CDC42EP3: variants seen among roughly 807,000 people sequenced by gnomAD.
CDC42EP3 encodes the protein CDC42 effector protein 3.
CDC42EP3 carries 4 observed loss-of-function variants against 15.5 expected under a neutral mutation model. That is an observed-to-expected ratio of 0.26 (90% CI 0.13 to 0.59). CDC42EP3 has a LOEUF of 0.59. CDC42EP3 is among the 20% of genes least tolerant of loss of function. The pLI is 0.89. For missense variants in CDC42EP3, 309 were observed against 311.2 expected (o/e 0.99, Z 0.05); for synonymous variants, 145 against 130.3 (o/e 1.11, Z -0.77).
At chr2:37,657,443 A>G (rs1397345556) in intron 1 of CDC42EP3, among the ~76,000 whole-genome samples, 1 of 152,206 alleles carries the variant, frequency 6.6e-6, no homozygotes, top group Admixed American at 6.5e-5. Flanking sequence ...GAGCTCAAAA[A>G]GAATAAAGTA....
intron 1 of CDC42EP3, among the ~76,000 whole-genome samples, chr2:37,653,856 C>T (rs1336142456): frequency 6.6e-6 from 1 of 152,186 alleles, no homozygotes; most frequent in Non-Finnish European, 1.5e-5. Context: ...AGGGGTGCTA[C>T]TGCCCCCAGG....
chr2:37,651,653 A>G (rs1363317078), intron 1 of CDC42EP3, among the ~76,000 whole-genome samples: 1 of 152,222 alleles, frequency 6.6e-6, no homozygotes, highest in African/African-American at 2.4e-5. Flanking sequence ...GAAGAGAAAC[A>G]TTTGTAGTCG....
At chr2:37,649,782 T>C (rs546430967) in intron 1 of CDC42EP3, among the ~76,000 whole-genome samples, 24 of 152,104 alleles carry the variant, frequency 1.6e-4, no homozygotes, top group African/African-American at 5.8e-4. Flanking sequence ...AAGTGGGGCT[T>C]CATGTCGGTG....
At chr2:37,652,383 G>A (rs1665717709) in intron 1 of CDC42EP3, among the ~76,000 whole-genome samples, 1 of 151,952 alleles carries the variant, frequency 6.6e-6, no homozygotes, top group Non-Finnish European at 1.5e-5. Flanking sequence ...AGGCTTACAG[G>A]CCGGAAGCGA....
Position 37,646,099 on chromosome 2 carries a change from C to A in CDC42EP3, c.489G>T (p.Gly163=). ...AQEKSSLLEN[G]TVHQGDTSWG... ...ACGAGGTGTCTCCCTGGTGGACTGT[C>A]CCATTCTCCAACAGACTGCTTTTCT... The change falls in exon 2 of 2, where the codon GGG becomes GGT. Residue 163 remains glycine, a synonymous_variant. Coordinates refer to ENST00000295324, the MANE Select transcript of CDC42EP3 (RefSeq NM_006449.5). 1 of 1,614,220 alleles carries A rather than the reference C, an allele frequency of 6.2e-7. No homozygotes were observed. Among genetic ancestry groups the A allele is most frequent in the Non-Finnish European group, 8.5e-7 (1 of 1,180,046 alleles).
chr2:37,667,167 G>C (rs1044689717), intron 1 of CDC42EP3, among the ~76,000 whole-genome samples: 10 of 152,176 alleles, frequency 6.6e-5, no homozygotes, highest in Non-Finnish European at 1.3e-4. Flanking sequence ...CTTGTTGTGT[G>C]TTTCTTATCT....
At chr2:37,669,696 C>T (rs1666346805) in intron 1 of CDC42EP3, among the ~76,000 whole-genome samples, 1 of 152,172 alleles carries the variant, frequency 6.6e-6, no homozygotes, top group Non-Finnish European at 1.5e-5. Flanking sequence ...ACAGAAACTG[C>T]CATGGATCCA....
chr2:37,668,198 CT>C (rs1666303035), intron 1 of CDC42EP3, among the ~76,000 whole-genome samples: 1 of 152,144 alleles, frequency 6.6e-6, no homozygotes, highest in South Asian at 2.1e-4. Flanking sequence ...CCATGGTTGA[CT>C]ATGGGTAACT....
chr2:37,665,106 C>G (rs373148417), intron 1 of CDC42EP3, among the ~76,000 whole-genome samples: 1 of 140,186 alleles, frequency 7.1e-6, no homozygotes, highest in Non-Finnish European at 1.5e-5. Flanking sequence ...TGTGAGTCAA[C>G]ATTCCTTAAT....
Position 37,646,656 on chromosome 2 carries a change from T to C in CDC42EP3, c.-69A>G. 7.2e-7 allele frequency: 1 copy of C among 1,393,888 alleles called. No homozygotes were observed. The highest frequency in any genetic ancestry group is 9.7e-7 in the Non-Finnish European group (1 of 1,029,170). 86.3% of individuals were successfully genotyped at this position (1,393,888 alleles called of 1,614,324 possible). A position where few individuals can be genotyped will look rare whatever the true frequency, so the allele number is the denominator to read the frequency against. On this transcript the variant is annotated 5_prime_UTR_variant, in exon 2 of 2. Coordinates refer to ENST00000295324, the MANE Select transcript of CDC42EP3 (RefSeq NM_006449.5). The stretch of plus-strand genomic sequence containing the variant: ...CACTTTCTTCACAGATGGTATATGT[T>C]TCTGAATCCTTTTTGATAGGAACTG...
rs200917185 is a variant in CDC42EP3 at position 37,670,501 on chromosome 2, TA to T, written c.-236+924del. Reference sequence around the variant, plus strand: ...CGCTCACTTTTTTTTTTTTTTTTTTTAAACAAAATGTAATTACTTGACTGTC... The same window carrying T: ...CGCTCACTTTTTTTTTTTTTTTTTTTAACAAAATGTAATTACTTGACTGTC... On this transcript the variant is annotated intron_variant, in intron 1 of 1. Transcript: ENST00000295324. Among the ~76,000 whole-genome samples, 1,318 of 146,712 alleles carry T rather than the reference TA, an allele frequency of 9.0e-3. 18 individuals carry two copies. Among genetic ancestry groups the T allele is most frequent in the African/African-American group, 0.032 (1,241 of 38,546 alleles).
chr2:37,670,297 T>C (rs2124641867), intron 1 of CDC42EP3, among the ~76,000 whole-genome samples: 1 of 152,258 alleles, frequency 6.6e-6, no homozygotes, highest in African/African-American at 2.4e-5. Context: ...CTCTTGGATA[T>C]TGTGAGAATT....
rs147603137 is a variant in CDC42EP3, at chr2:37,651,015, G to T, written c.-235-4193C>A. Among the ~76,000 whole-genome samples, 568 of 152,298 alleles carry T rather than the reference G, an allele frequency of 3.7e-3. 2 individuals carry two copies. The highest frequency in any genetic ancestry group is 0.013 in the African/African-American group (545 of 41,556). On this transcript the variant is annotated intron_variant, in intron 1 of 1. Coordinates refer to ENST00000295324, the MANE Select transcript of CDC42EP3 (RefSeq NM_006449.5). ...GGAAACAACCTAATTGTCCACCTAT[G>T]GAGGACTGGTTCAGTTAAGCGTATC... is the stretch of plus-strand genomic sequence containing the variant.
At position 37,643,111 on chromosome 2, in the gene CDC42EP3, C is replaced by T. The variant is rs1572500644; in HGVS notation, c.*2712G>A. 2.6e-5 allele frequency: 4 copies of T among 152,210 alleles called. No individual in the cohort carries two copies. Among genetic ancestry groups the T allele is most frequent in the Non-Finnish European group, 5.9e-5 (4 of 68,016 alleles). 9.4% of individuals were successfully genotyped at this position (152,210 alleles called of 1,614,324 possible). A position where few individuals can be genotyped will look rare whatever the true frequency, so the allele number is the denominator to read the frequency against. On this transcript the variant is annotated 3_prime_UTR_variant, in exon 2 of 2. Transcript: ENST00000295324. ...TCTGGTTACTGGGTCACAGGTGGCT[C>T]GCCATTTGCTTTGAGTTTGCAAATA...
intron 1 of CDC42EP3, among the ~76,000 whole-genome samples, chr2:37,663,051 G>T (rs552197691): frequency 6.6e-6 from 1 of 152,240 alleles, no homozygotes. Flanking sequence ...TGTAATCCCA[G>T]CTACTCATGA....
chr2:37,663,443 T>G (rs1666143213), intron 1 of CDC42EP3, among the ~76,000 whole-genome samples: 1 of 152,202 alleles, frequency 6.6e-6, no homozygotes, highest in Non-Finnish European at 1.5e-5. Context: ...CAAGGACCCT[T>G]ACTCTGTGCT....
In CDC42EP3 at chr2:37,645,685, TA is replaced by T; in HGVS notation, c.*137del. On this transcript the variant is annotated 3_prime_UTR_variant, in exon 2 of 2. Transcript: ENST00000295324. ...GTTTTTGCAAACAGGGCATAACAGGTAAAAAAATACTTTGTAAGAATATTAT... is the reference window on the plus strand; with the variant it reads ...GTTTTTGCAAACAGGGCATAACAGGTAAAAAATACTTTGTAAGAATATTAT... 9.5e-6 allele frequency: 7 copies of T among 735,106 alleles called. No homozygotes were observed. Among genetic ancestry groups the T allele is most frequent in the Non-Finnish European group, 1.5e-5 (7 of 470,560 alleles). The allele number at this position is 735,106 out of a possible 1,614,324, so 45.5% of individuals were successfully genotyped here.
chr2:37,643,926 G>C lies in CDC42EP3; in HGVS notation c.*1897C>G, dbSNP rs1011861319. 5 of 151,446 alleles carry C rather than the reference G, an allele frequency of 3.3e-5. No individual in the cohort carries two copies. Among genetic ancestry groups the C allele is most frequent in the African/African-American group, 1.2e-4 (5 of 41,188 alleles). 9.4% of individuals were successfully genotyped at this position (151,446 alleles called of 1,614,324 possible). A position where few individuals can be genotyped will look rare whatever the true frequency, so the allele number is the denominator to read the frequency against. ...GGCAAGCTTGTCCAACCTGTGGCCCGCATGAAGTCCAACACAAATTTTTAA... is the reference window on the plus strand; with the variant it reads ...GGCAAGCTTGTCCAACCTGTGGCCCCCATGAAGTCCAACACAAATTTTTAA... On this transcript the variant is annotated 3_prime_UTR_variant, in exon 2 of 2. Coordinates refer to ENST00000295324, the MANE Select transcript of CDC42EP3 (RefSeq NM_006449.5).
At position 37,646,634 on chromosome 2, in the gene CDC42EP3, T is replaced by G. The variant is rs1245201315; in HGVS notation, c.-47A>C. ...TTTTGCAAGCGGGAGAAAGGGCCAC[T>G]TTCTTCACAGATGGTATATGTTTCT... On this transcript the variant is annotated 5_prime_UTR_variant, in exon 2 of 2. Transcript: ENST00000295324. 1 of 1,471,828 alleles carries G rather than the reference T, an allele frequency of 6.8e-7. No individual in the cohort carries two copies. The allele number at this position is 1,471,828 out of a possible 1,614,324, so 91.2% of individuals were successfully genotyped here. A position where few individuals can be genotyped will look rare whatever the true frequency, so the allele number is the denominator to read the frequency against.
Sources: allele counts gnomAD v4.1 joint callset (sites outside exome capture counted in the v4.1 genomes callset), GRCh38; gene constraint gnomAD v4.1.1; transcripts MANE v1.5; gene names NCBI Gene and HGNC (gene_info 2026-07-23, HGNC 2026-07-21).